COMMD7: variants seen among roughly 807,000 people sequenced by gnomAD.
COMMD7 encodes the protein COMM domain containing 7, also known as COMM domain-containing protein 7.
COMMD7 carries 28 observed loss-of-function variants against 34.8 expected under a neutral mutation model. The observed-to-expected ratio is 0.80, with a 90% CI of 0.60 to 1.10. The LOEUF (loss-of-function observed/expected upper bound fraction) is 1.10. COMMD7 is among the 50% of genes least tolerant of loss of function. COMMD7 has a pLI of 0.00. For synonymous variants in COMMD7, 80 were observed against 86.4 expected, an observed-to-expected ratio of 0.93 and a Z score of 0.41; for missense variants, 211 against 241.6, an observed-to-expected ratio of 0.87 and a Z score of 0.84.
At position 32,727,858 on chromosome 20, in the gene COMMD7, GTC is replaced by G. The variant is rs758521260; in HGVS notation, c.241+33_241+34del. 2.0e-6 allele frequency: 3 copies of G among 1,494,074 alleles called. No individual in the cohort carries two copies. The African/African-American group carries it at 4.1e-5, about 21-fold the overall frequency. 92.6% of individuals were successfully genotyped at this position (1,494,074 alleles called of 1,614,324 possible). On this transcript the variant is annotated intron_variant, in intron 3 of 8. Transcript: ENST00000278980. Reference sequence around the variant, plus strand: ...GGACTAAAGGAATGTTCAAGTTAATGTCTCTGGCCACAGCTGCTAAGAGAGGT... The same window carrying G: ...GGACTAAAGGAATGTTCAAGTTAATGTCTGGCCACAGCTGCTAAGAGAGGT...
At chr20:32,739,111 C>T (rs1480161710) in intron 1 of COMMD7, among the ~76,000 whole-genome samples, 6 of 152,066 alleles carry the variant, frequency 3.9e-5, no homozygotes, top group African/African-American at 1.4e-4. Flanking sequence ...ATATTAATAT[C>T]GTATAATAGC....
chr20:32,721,075 A>T (rs1985125724), intron 3 of COMMD7, among the ~76,000 whole-genome samples: 1 of 152,224 alleles, frequency 6.6e-6, no homozygotes, highest in African/African-American at 2.4e-5. Context: ...TAAAAAACAT[A>T]TCTCAGATGC....
Position 32,706,714 on chromosome 20 carries a change from G to C in COMMD7, c.288C>G (p.Phe96Leu). 1 of 1,613,992 alleles carries C rather than the reference G, an allele frequency of 6.2e-7. No individual in the cohort carries two copies. Among genetic ancestry groups the C allele is most frequent in the East Asian group, 2.2e-5 (1 of 44,854 alleles). The change falls in exon 4 of 9, where the codon TTC (phenylalanine) becomes TTG (leucine). Residue 96 changes from phenylalanine (F) to leucine (L), a missense_variant. Transcript: ENST00000278980. ...TGGCCAATGACCTACCCAGAGTTAT[G>C]AAATCCGCCTGGACCTGCTTGGCTG... ...SLTAKQVQADFITLGLSEEKA... is the reference protein window; with the variant it reads ...SLTAKQVQADLITLGLSEEKA...
At chr20:32,731,683 A>C (rs1985850213) in intron 1 of COMMD7, among the ~76,000 whole-genome samples, 1 of 152,216 alleles carries the variant, frequency 6.6e-6, no homozygotes, top group African/African-American at 2.4e-5. Context: ...AAGTTTCCTT[A>C]TATGGCATTG....
intron 3 of COMMD7, among the ~76,000 whole-genome samples, chr20:32,714,338 AT>A (rs1328275909): frequency 1.3e-5 from 2 of 152,202 alleles, no homozygotes; most frequent in African/African-American, 2.4e-5. Flanking sequence ...TCATAAAAAA[AT>A]AAAATAAAAT....
intron 3 of COMMD7, among the ~76,000 whole-genome samples, chr20:32,719,350 A>G (rs1985007479): frequency 6.6e-6 from 1 of 152,138 alleles, no homozygotes; most frequent in African/African-American, 2.4e-5. Context: ...GACAAAGGAT[A>G]AGAAGGGGAC....
intron 5 of COMMD7, 124 bp from the exon 6 acceptor site, chr20:32,705,028 G>A: frequency 2.8e-6 from 2 of 710,964 alleles, no homozygotes; most frequent in Non-Finnish European, 4.9e-6. Context: ...AGATAGTGGG[G>A]AGGGTGCAGA....
rs1983837767 is a variant in COMMD7, at chr20:32,702,786, C to T, written c.*596G>A. 6.6e-6 allele frequency: 1 copy of T among 152,264 alleles called. No individual in the cohort carries two copies. Among genetic ancestry groups the T allele is most frequent in the Non-Finnish European group, 1.5e-5 (1 of 68,094 alleles). 9.4% of individuals were successfully genotyped at this position (152,264 alleles called of 1,614,324 possible). A position where few individuals can be genotyped will look rare whatever the true frequency, so the allele number is the denominator to read the frequency against. On this transcript the variant is annotated 3_prime_UTR_variant, in exon 9 of 9. Coordinates refer to ENST00000278980, the MANE Select transcript of COMMD7 (RefSeq NM_053041.3). ...TAAAATGGCCTCAAAAGGCCCACCT[C>T]GTTACGACATGACAGGGCAAAACCA... is the stretch of plus-strand genomic sequence containing the variant.
chr20:32,716,522 G>A (rs905845655), intron 3 of COMMD7, among the ~76,000 whole-genome samples: 2 of 152,188 alleles, frequency 1.3e-5, no homozygotes, highest in Non-Finnish European at 2.9e-5. Flanking sequence ...GGCTGAGGCA[G>A]GAGAATGGCG....
chr20:32,733,844 G>C (rs73613801), intron 1 of COMMD7, among the ~76,000 whole-genome samples: 1 of 146,920 alleles, frequency 6.8e-6, no homozygotes, highest in Admixed American at 6.8e-5. Context: ...GAGATTGCAC[G>C]ATTGCACTCC....
At chr20:32,705,025 G>C in intron 5 of COMMD7, 121 bp from the exon 6 acceptor site, 1 of 727,402 alleles carries the variant, frequency 1.4e-6, no homozygotes, top group Non-Finnish European at 2.4e-6. Context: ...AGAAGATAGT[G>C]GGGAGGGTGC....
chr20:32,714,006 G>A (rs1194062222), intron 3 of COMMD7, among the ~76,000 whole-genome samples: 1 of 152,094 alleles, frequency 6.6e-6, no homozygotes, highest in East Asian at 1.9e-4. Flanking sequence ...GCAGCTACTT[G>A]GGAGGCTGAG....
At position 32,738,594 on chromosome 20, in the gene COMMD7, AAT is replaced by A. The variant is rs576195860; in HGVS notation, c.84+4712_84+4713del. 3.5e-3 allele frequency among the ~76,000 whole-genome samples: 539 copies of A among 152,202 alleles called. 2 individuals are homozygous for A. Among genetic ancestry groups the A allele is most frequent in the South Asian group, 0.012 (58 of 4,824 alleles). On this transcript the variant is annotated intron_variant, in intron 1 of 8. Transcript: ENST00000278980. ...ATTGAGACTATCTCAAAGGAAAAAAAATGTTTTCCTAGAGATGGGGTCTTGCT... is the reference window on the plus strand; with the variant it reads ...ATTGAGACTATCTCAAAGGAAAAAAAGTTTTCCTAGAGATGGGGTCTTGCT...
In COMMD7 at chr20:32,709,268, C is replaced by T. The variant is rs570637066; in HGVS notation, c.242-2508G>A. ...TGGCCAACGTGGCAAAACCCCGTCTCTACTAAAAGTACAAAAATTAGCCGG... is the reference window on the plus strand; with the variant it reads ...TGGCCAACGTGGCAAAACCCCGTCTTTACTAAAAGTACAAAAATTAGCCGG... On this transcript the variant is annotated intron_variant, in intron 3 of 8. Transcript: ENST00000278980. Among the ~76,000 whole-genome samples, 78 of 151,930 alleles carry T rather than the reference C, an allele frequency of 5.1e-4. 2 individuals are homozygous for T. The highest frequency in any genetic ancestry group is 3.4e-3 in the Middle Eastern group (1 of 292).
At chr20:32,704,606 G>T in intron 6 of COMMD7, 117 bp from the exon 7 acceptor site, 1 of 1,093,562 alleles carries the variant, frequency 9.1e-7, no homozygotes, top group Non-Finnish European at 1.3e-6. Flanking sequence ...GTGGGGGCAA[G>T]TATGAGGGCA....
chr20:32,737,634 A>G (rs1255282937), intron 1 of COMMD7, among the ~76,000 whole-genome samples: 3 of 151,730 alleles, frequency 2.0e-5, no homozygotes, highest in Non-Finnish European at 4.4e-5. Flanking sequence ...GCCCAGACCA[A>G]CCTAGGCAAC....
intron 5 of COMMD7, 65 bp from the exon 6 acceptor site, chr20:32,704,969 T>C: frequency 3.4e-6 from 4 of 1,164,096 alleles, no homozygotes; most frequent in Non-Finnish European, 5.1e-6. Context: ...CATCCTGCCC[T>C]AAACATTGCA....
intron 1 of COMMD7, among the ~76,000 whole-genome samples, chr20:32,731,503 T>C (rs1490524373): frequency 6.6e-6 from 1 of 151,920 alleles, no homozygotes; most frequent in East Asian, 1.9e-4. Context: ...TATTGATCCC[T>C]CGTCCCTATC....
intron 3 of COMMD7, among the ~76,000 whole-genome samples, chr20:32,721,976 G>A (rs1305218640): frequency 1.3e-5 from 2 of 151,642 alleles, no homozygotes; most frequent in African/African-American, 2.4e-5. Flanking sequence ...CAGGAGAATC[G>A]CTTGAACCCG....
Sources: gnomAD v4.1 joint callset for allele counts (sites outside exome capture counted in the v4.1 genomes callset) on GRCh38, gnomAD v4.1.1 for gene constraint, MANE v1.5 for transcripts, NCBI Gene and HGNC (gene_info 2026-07-23, HGNC 2026-07-21) for gene names.